PTPRA: variants seen among roughly 807,000 people sequenced by gnomAD.
PTPRA encodes receptor-type tyrosine-protein phosphatase alpha.
Under a neutral mutation model 104.8 loss-of-function variants are expected in PTPRA, and 25 were observed. The ratio of observed to expected loss-of-function variants is 0.24; its 90% confidence interval spans 0.17 to 0.33. The LOEUF is 0.33. Ranked by LOEUF, PTPRA falls within the 10% of genes least tolerant of loss-of-function variation. The pLI is 1.00. For synonymous variants in PTPRA, 323 were observed against 368.9 expected, an observed-to-expected ratio of 0.88 and a Z score of 1.43; for missense variants, 765 against 1,015.3, an observed-to-expected ratio of 0.75 and a Z score of 3.35.
intron 16 of PTPRA, among the ~76,000 whole-genome samples, chr20:3,023,742 C>T (rs892734405): frequency 1.3e-5 from 2 of 152,190 alleles, no homozygotes; most frequent in Admixed American, 6.5e-5. Flanking sequence ...AACTCAGAGA[C>T]GAGTGCTGGC....
chr20:2,969,860 C>T (rs1352131092), intron 5 of PTPRA, among the ~76,000 whole-genome samples: 1 of 151,834 alleles, frequency 6.6e-6, no homozygotes, highest in African/African-American at 2.4e-5. Context: ...GTCCCAGCTA[C>T]TCTGGAGGCT....
chr20:2,968,857 G>A (rs1020259824), intron 5 of PTPRA, among the ~76,000 whole-genome samples: 7 of 152,064 alleles, frequency 4.6e-5, no homozygotes, highest in African/African-American at 1.2e-4. Context: ...GGCTGCTGCA[G>A]TGAGCTGTGA....
At position 3,035,459 on chromosome 20, in the gene PTPRA, C is replaced by T; in HGVS notation, c.1921-126C>T. 3.5e-6 allele frequency: 4 copies of T among 1,131,508 alleles called. No individual in the cohort carries two copies. The South Asian group carries it at 4.6e-5, about 13-fold the overall frequency. The allele number at this position is 1,131,508 out of a possible 1,614,324, so 70.1% of individuals were successfully genotyped here. ...ATAATGATCCTGCAAGTTTTCAATA[C>T]CTTGGGGACGAAGCGTATCAGCGTA... On this transcript the variant is annotated intron_variant, in intron 20 of 23. Transcript: ENST00000399903. The surrounding 1 kb of genome is among the most constrained non-coding windows in gnomAD (Gnocchi z 5.8).
At chr20:3,017,429 T>C (rs2064521377) in intron 12 of PTPRA, among the ~76,000 whole-genome samples, 1 of 152,226 alleles carries the variant, frequency 6.6e-6, no homozygotes, top group Non-Finnish European at 1.5e-5. Context: ...TTTCTGGGGC[T>C]GATGACACCC....
chr20:3,027,632 C>A, intron 19 of PTPRA, 75 bp from the exon 20 acceptor site: 2 of 1,547,218 alleles, frequency 1.3e-6, no homozygotes, highest in Non-Finnish European at 1.8e-6. Context: ...CCATTCCCTT[C>A]TAGTGGTCTG....
At chr20:3,030,851 A>G (rs1211417619) in intron 20 of PTPRA, among the ~76,000 whole-genome samples, 1 of 151,816 alleles carries the variant, frequency 6.6e-6, no homozygotes, top group African/African-American at 2.4e-5. Context: ...ATGCCCAGCT[A>G]ATTTCCATAG....
intron 20 of PTPRA, among the ~76,000 whole-genome samples, chr20:3,031,870 T>TTA (rs2065472799): frequency 6.6e-6 from 1 of 152,204 alleles, no homozygotes; most frequent in South Asian, 2.1e-4. Context: ...TCATGCTTTC[T>TTA]TACTTTCATA....
the PTPRA span, among the ~76,000 whole-genome samples, chr20:2,867,494 ACCC>A: frequency 9.7e-5 from 10 of 102,826 alleles, no homozygotes; most frequent in African/African-American, 4.5e-4. Flanking sequence ...ACTCCAGTGC[ACCC>A]CCTCTGCTCT....
upstream of PTPRA, among the ~76,000 whole-genome samples, chr20:2,868,450 A>G (rs935783875): frequency 1.1e-4 from 17 of 150,150 alleles, no homozygotes; most frequent in African/African-American, 4.2e-4. Flanking sequence ...AGCATGAACC[A>G]CTGAACCTGG....
chr20:2,924,363 C>T (rs2060215947), intron 2 of PTPRA, among the ~76,000 whole-genome samples: 1 of 152,204 alleles, frequency 6.6e-6, no homozygotes, highest in Non-Finnish European at 1.5e-5. Flanking sequence ...GATCACGCCC[C>T]TGCACTCCAT....
rs556171976 is a variant in PTPRA, at chr20:3,022,199, G to C, written c.1307G>C (p.Gly436Ala). Residue 436 changes from glycine (G) to alanine (A), a missense_variant, in exon 15 of 24, where the codon GGG becomes GCG. By Grantham distance (60) the Gly-to-Ala change is moderately conservative. Transcript: ENST00000399903. This position sits in a 1 kb window ranked among gnomAD's most constrained non-coding sequence, Gnocchi z 4.6. ...KVKACNPQYAGAIVVHCSAGV... is the reference protein window; with the variant it reads ...KVKACNPQYAAAIVVHCSAGV... Reference sequence around the variant, plus strand: ...AAGGCCTGTAACCCTCAGTATGCAGGGGCCATCGTGGTCCACTGCAGGTCA... The same window carrying C: ...AAGGCCTGTAACCCTCAGTATGCAGCGGCCATCGTGGTCCACTGCAGGTCA... 1 of 1,614,160 alleles carries C rather than the reference G, an allele frequency of 6.2e-7. No homozygotes were observed. Among genetic ancestry groups the C allele is most frequent in the Admixed American group, 1.7e-5 (1 of 60,016 alleles).
intron 5 of PTPRA, among the ~76,000 whole-genome samples, chr20:2,972,349 C>A (rs557863788): frequency 6.6e-6 from 1 of 152,064 alleles, no homozygotes; most frequent in Admixed American, 6.6e-5. Flanking sequence ...GGACTATAGG[C>A]GCATGTCACC....
chr20:2,998,911 A>G (rs2752937), intron 9 of PTPRA, among the ~76,000 whole-genome samples: 1 of 134,708 alleles, frequency 7.4e-6, no homozygotes, highest in Non-Finnish European at 1.6e-5. Context: ...AGAATTAATA[A>G]ATATGACATA....
the PTPRA span, chr20:2,864,340 C>T: frequency 6.2e-7 from 1 of 1,614,066 alleles, no homozygotes; most frequent in Non-Finnish European, 8.5e-7. This position sits in a 1 kb window ranked among gnomAD's most constrained non-coding sequence, Gnocchi z 5.2. Flanking sequence ...GGCTGGAATT[C>T]CCACTCCACC....
chr20:2,911,693 G>A (rs1410213759), intron 1 of PTPRA, among the ~76,000 whole-genome samples: 1 of 152,090 alleles, frequency 6.6e-6, no homozygotes, highest in South Asian at 2.1e-4. Flanking sequence ...CTCTGAGAGG[G>A]AATAAAAGTA....
chr20:2,932,957 T>TG (rs1219688498), intron 2 of PTPRA, among the ~76,000 whole-genome samples: 2 of 152,082 alleles, frequency 1.3e-5, no homozygotes, highest in African/African-American at 4.8e-5. Context: ...ATTTTAATCT[T>TG]GGGAAAAAAA....
At chr20:2,871,625 C>T (rs927872732), upstream of PTPRA, among the ~76,000 whole-genome samples, 2 of 152,182 alleles carry the variant, frequency 1.3e-5, no homozygotes, top group African/African-American at 2.4e-5. Context: ...GCTGCTATCC[C>T]AGCTACTGAG....
rs573603378 is a variant in PTPRA, at chr20:2,986,968, T to C, written c.527+119T>C. 10 of 892,726 alleles carry C rather than the reference T, an allele frequency of 1.1e-5. No homozygotes were observed. In the South Asian group the frequency reaches 1.4e-4, roughly 13 times the overall value. 55.3% of individuals were successfully genotyped at this position (892,726 alleles called of 1,614,324 possible). On this transcript the variant is annotated intron_variant, in intron 7 of 23. Coordinates refer to ENST00000399903, the MANE Select transcript of PTPRA (RefSeq NM_001385305.1). ...CACAATGAATAGGATAGAGGGGGAA[T>C]GACCCATGATAGTGCTAAAATTGAA...
chr20:2,895,679 T>G (rs1451332975), intron 1 of PTPRA, among the ~76,000 whole-genome samples: 2 of 151,958 alleles, frequency 1.3e-5, no homozygotes, highest in African/African-American at 4.8e-5. Context: ...ACCAAACACC[T>G]GGAATTAGTC....
Sources: allele counts gnomAD v4.1 joint callset (sites outside exome capture counted in the v4.1 genomes callset), GRCh38; gene constraint gnomAD v4.1.1; non-coding constraint Gnocchi (gnomAD v3.1); transcripts MANE v1.5; gene names NCBI Gene and HGNC (gene_info 2026-07-23, HGNC 2026-07-21).